Variants in ZNF804A observed in about 807,000 individuals in gnomAD.
ZNF804A encodes the protein zinc finger protein 804A.
In ZNF804A, 2 loss-of-function variants were observed where a neutral mutation model predicts 16.5. The observed-to-expected ratio is 0.12, with a 90% CI of 0.05 to 0.38. The LOEUF (loss-of-function observed/expected upper bound fraction) is 0.38. Among genes scored for constraint, ZNF804A ranks in the 10% least tolerant of loss-of-function variants. The pLI, the probability that ZNF804A is intolerant of heterozygous loss-of-function variation, is 0.99. For missense variants in ZNF804A, 1,473 were observed against 1,390.7 expected, an observed-to-expected ratio of 1.06 and a Z score of -0.94; for synonymous variants, 534 against 489.6, an observed-to-expected ratio of 1.09 and a Z score of -1.20.
intron 1 of ZNF804A, among the ~76,000 whole-genome samples, chr2:184,667,818 G>A (rs1426843416): frequency 6.6e-6 from 1 of 151,662 alleles, no homozygotes; most frequent in Non-Finnish European, 1.5e-5. Flanking sequence ...CTTTTTGTGT[G>A]AAAATTATTT....
Position 184,698,699 on chromosome 2 carries a change from G to A in ZNF804A, c.111+99629G>A, listed in dbSNP as rs368914228. 1.1e-4 allele frequency among the ~76,000 whole-genome samples: 17 copies of A among 152,172 alleles called. No individual in the cohort carries two copies. In the East Asian group the frequency reaches 2.3e-3, roughly 21 times the overall value. On this transcript the variant is annotated intron_variant, in intron 1 of 3. Coordinates refer to ENST00000302277, the MANE Select transcript of ZNF804A (RefSeq NM_194250.2). Reference sequence around the variant, plus strand: ...TTGACTCAGCAGTTCAAGTATGTCAGGTAGACCCAAATTCTCTGTAACTCT... The same window carrying A: ...TTGACTCAGCAGTTCAAGTATGTCAAGTAGACCCAAATTCTCTGTAACTCT...
chr2:184,679,230 G>T (rs1244062629), intron 1 of ZNF804A, among the ~76,000 whole-genome samples: 2 of 152,234 alleles, frequency 1.3e-5, no homozygotes, highest in Admixed American at 1.3e-4. Flanking sequence ...TTAGGTGGAA[G>T]ATGTGGATGA....
intron 1 of ZNF804A, among the ~76,000 whole-genome samples, chr2:184,752,633 G>A (rs540615284): frequency 4.6e-4 from 69 of 151,484 alleles, no homozygotes; most frequent in African/African-American, 1.5e-3. Flanking sequence ...AAAATAAAAC[G>A]TATTTTACAT....
intron 1 of ZNF804A, among the ~76,000 whole-genome samples, chr2:184,602,771 A>G (rs552663239): frequency 4.6e-5 from 7 of 151,806 alleles, no homozygotes; most frequent in African/African-American, 1.7e-4. Flanking sequence ...AGAATTCAAA[A>G]GAATCAGTGA....
chr2:184,903,375 G>A (rs769214542), intron 2 of ZNF804A, among the ~76,000 whole-genome samples: 9 of 151,986 alleles, frequency 5.9e-5, no homozygotes, highest in African/African-American at 1.2e-4. Flanking sequence ...TTAAATACAC[G>A]TATACTTACC....
intron 1 of ZNF804A, among the ~76,000 whole-genome samples, chr2:184,648,792 A>G (rs1691928147): frequency 6.6e-6 from 1 of 152,198 alleles, no homozygotes; most frequent in African/African-American, 2.4e-5. Context: ...CAAAACAAGT[A>G]CTTCTAGACC....
rs533530257 is a variant in ZNF804A, at chr2:184,842,123, T to C, written c.112-24246T>C. On this transcript the variant is annotated intron_variant, in intron 1 of 3. Transcript: ENST00000302277. ...TAAATTTTTCAAGTTAAAATGCTTC[T>C]CTTTTCAAAATATCCCTTTTCTTTT... Among the ~76,000 whole-genome samples, 214 of 152,344 alleles carry C rather than the reference T, an allele frequency of 1.4e-3. 2 individuals carry two copies. Among genetic ancestry groups the C allele is most frequent in the African/African-American group, 4.7e-3 (194 of 41,588 alleles).
chr2:184,808,157 T>G (rs2105785475), intron 1 of ZNF804A, among the ~76,000 whole-genome samples: 1 of 151,724 alleles, frequency 6.6e-6, no homozygotes, highest in African/African-American at 2.4e-5. Context: ...ATTTACACAT[T>G]ACAGAAAGAT....
chr2:184,897,190 A>G (rs1460312840), intron 2 of ZNF804A, among the ~76,000 whole-genome samples: 3 of 152,106 alleles, frequency 2.0e-5, no homozygotes, highest in South Asian at 4.1e-4. Context: ...TTTGGGGGGA[A>G]GAAAAACCAC....
chr2:184,808,296 T>C (rs1252372972), intron 1 of ZNF804A, among the ~76,000 whole-genome samples: 1 of 151,654 alleles, frequency 6.6e-6, no homozygotes, highest in Non-Finnish European at 1.5e-5. Flanking sequence ...ATCATATATG[T>C]TTTCCTATGT....
At chr2:184,784,511 G>A (rs1417844147) in intron 1 of ZNF804A, among the ~76,000 whole-genome samples, 1 of 151,844 alleles carries the variant, frequency 6.6e-6, no homozygotes, top group African/African-American at 2.4e-5. Flanking sequence ...TACAGCAGTA[G>A]GAAATAGGCT....
intron 1 of ZNF804A, among the ~76,000 whole-genome samples, chr2:184,830,233 T>A (rs1695241940): frequency 6.6e-6 from 1 of 152,148 alleles, no homozygotes; most frequent in Non-Finnish European, 1.5e-5. Flanking sequence ...CAAATACATA[T>A]TTTCAGATTC....
chr2:184,842,975 A>T (rs534114781), intron 1 of ZNF804A, among the ~76,000 whole-genome samples: 1 of 152,246 alleles, frequency 6.6e-6, no homozygotes, highest in Admixed American at 6.5e-5. Context: ...GAGTCCACAG[A>T]TTCTGGTGAG....
intron 1 of ZNF804A, among the ~76,000 whole-genome samples, chr2:184,843,058 C>T (rs1356342018): frequency 3.9e-5 from 6 of 152,158 alleles, no homozygotes; most frequent in African/African-American, 1.4e-4. Context: ...CTCTTGGTTT[C>T]CCATTCATAC....
At chr2:184,806,313 G>A (rs1694800992) in intron 1 of ZNF804A, among the ~76,000 whole-genome samples, 1 of 151,440 alleles carries the variant, frequency 6.6e-6, no homozygotes, top group South Asian at 2.1e-4. Context: ...TTCTTTATTG[G>A]GGATCAATAA....
intron 1 of ZNF804A, among the ~76,000 whole-genome samples, chr2:184,633,445 A>G (rs2105688139): frequency 6.6e-6 from 1 of 152,242 alleles, no homozygotes; most frequent in African/African-American, 2.4e-5. Context: ...ACAACACTAC[A>G]CTTACCCAGT....
At chr2:184,895,247 A>G (rs1685047477) in intron 2 of ZNF804A, among the ~76,000 whole-genome samples, 1 of 151,812 alleles carries the variant, frequency 6.6e-6, no homozygotes, top group Non-Finnish European at 1.5e-5. Flanking sequence ...TGAGAGAGAG[A>G]GAGAGAGAAA....
intron 1 of ZNF804A, among the ~76,000 whole-genome samples, chr2:184,789,509 C>T (rs1199180506): frequency 6.6e-6 from 1 of 151,786 alleles, no homozygotes; most frequent in African/African-American, 2.4e-5. Context: ...CATTCAATTT[C>T]ATTACTTGCT....
intron 1 of ZNF804A, among the ~76,000 whole-genome samples, chr2:184,803,485 TTATC>T (rs1694755375): frequency 1.3e-5 from 2 of 152,158 alleles, no homozygotes; most frequent in African/African-American, 4.8e-5. Flanking sequence ...GGTTTTGTGT[TTATC>T]TAAGCATCTC....
Sources: gnomAD v4.1 joint callset for allele counts (sites outside exome capture counted in the v4.1 genomes callset) on GRCh38, gnomAD v4.1.1 for gene constraint, MANE v1.5 for transcripts, NCBI Gene and HGNC (gene_info 2026-07-23, HGNC 2026-07-21) for gene names.